The following IGSF9B variants were observed in gnomAD, a reference collection of about 807,000 sequenced individuals.
IGSF9B encodes protein turtle homolog B.
In IGSF9B, 48 loss-of-function variants were observed where a neutral mutation model predicts 143.7. That is an observed-to-expected ratio of 0.33 (90% confidence interval 0.26 to 0.42). The LOEUF (loss-of-function observed/expected upper bound fraction) is 0.42. IGSF9B is among the 20% of genes least tolerant of loss of function. IGSF9B has a pLI of 1.00. For synonymous variants in IGSF9B, 903 were observed against 833.1 expected (o/e 1.08, Z -1.44); for missense variants, 1,706 against 1,980.0 (o/e 0.86, Z 2.63).
Position 133,931,594 on chromosome 11 carries a change from T to A in IGSF9B, c.1252-25A>T. On this transcript the variant is annotated intron_variant, in intron 9 of 19. Coordinates refer to ENST00000533871, the MANE Select transcript of IGSF9B (RefSeq NM_001277285.4). The surrounding 1 kb of genome is among the most constrained non-coding windows in gnomAD (Gnocchi z 7.7). ...CCTGGGGAGGAAAGCACAGGCACCC[T>A]CGTGAGGCCGGGGATCCAGGTGCCC... 1 of 1,610,946 alleles carries A rather than the reference T, an allele frequency of 6.2e-7. No homozygotes were observed. The highest frequency in any genetic ancestry group is 8.5e-7 in the Non-Finnish European group (1 of 1,178,086).
At chr11:133,934,165 G>A (rs149101700) in intron 7 of IGSF9B, among the ~76,000 whole-genome samples, 70 of 152,282 alleles carry the variant, frequency 4.6e-4, no homozygotes, top group African/African-American at 1.5e-3. Flanking sequence ...TGACGCTGGC[G>A]CTGGGGAGAG....
chr11:133,931,224 C>A lies in IGSF9B; in HGVS notation c.1369-90G>T, dbSNP rs1939722811. 2 of 1,331,692 alleles carry A rather than the reference C, an allele frequency of 1.5e-6. No homozygotes were observed. Among genetic ancestry groups the A allele is most frequent in the Non-Finnish European group, 1.0e-6 (1 of 957,808 alleles). The allele number at this position is 1,331,692 out of a possible 1,614,324, so 82.5% of individuals were successfully genotyped here. A position where few individuals can be genotyped will look rare whatever the true frequency, so the allele number is the denominator to read the frequency against. On this transcript the variant is annotated intron_variant, in intron 10 of 19. Transcript: ENST00000533871. The surrounding 1 kb of genome is among the most constrained non-coding windows in gnomAD (Gnocchi z 7.7). Reference sequence around the variant, plus strand: ...GCAGATGGGGAGGACGCGCCTGAGACCCCGGCCCGCCCACGCTGCCCTCCT... The same window carrying A: ...GCAGATGGGGAGGACGCGCCTGAGAACCCGGCCCGCCCACGCTGCCCTCCT...
At chr11:133,918,499 G>A (rs1210051041) in intron 18 of IGSF9B, among the ~76,000 whole-genome samples, 1 of 152,184 alleles carries the variant, frequency 6.6e-6, no homozygotes, top group African/African-American at 2.4e-5. Flanking sequence ...AAAGCACAGA[G>A]ACAGGGCGGC....
In IGSF9B at chr11:133,932,110, G is replaced by T; in HGVS notation, c.1071C>A (p.Val357=). Residue 357 remains valine, a synonymous_variant, in exon 8 of 20, where the codon GTC becomes GTA. Transcript: ENST00000533871. ...PVDAEPPATV[V]KWNKDGRPLQ... is the part of the protein sequence containing the mutation. ...GGGGACGGCCGTCCTTGTTCCACTT[G>T]ACCACGGTGGCCGGTGGTTCTGCGT... is the stretch of plus-strand genomic sequence containing the variant. 1 of 1,613,874 alleles carries T rather than the reference G, an allele frequency of 6.2e-7. No individual in the cohort carries two copies. The highest frequency in any genetic ancestry group is 1.1e-5 in the South Asian group (1 of 91,048).
chr11:133,923,156 G>A (rs924552764), intron 15 of IGSF9B, among the ~76,000 whole-genome samples: 22 of 152,208 alleles, frequency 1.4e-4, no homozygotes, highest in Admixed American at 6.5e-5. Flanking sequence ...ACCCGCTTAC[G>A]TGGATATTGC....
Position 133,956,703 on chromosome 11 carries a change from G to T in IGSF9B, c.52C>A (p.Leu18Ile). 1 of 1,545,448 alleles carries T rather than the reference G, an allele frequency of 6.5e-7. No individual in the cohort carries two copies. ...CACTTCAACTCACCTTCAGCCGCAA[G>T]CCCTCGGGTGCCGATCACACTTGCT... is the stretch of plus-strand genomic sequence containing the variant. ...FIASVIGTRG[L>I]AAEGAHGLRE... Residue 18 changes from leucine (L) to isoleucine (I), a missense_variant, in exon 1 of 20, where the codon CTT (leucine) becomes ATT (isoleucine). Leu to Ile is a conservative substitution (Grantham distance 5). Around this residue, in one of 7 missense-constraint regions of IGSF9B, gnomAD observed 171 missense variants for 213.9 expected, o/e 0.80. Coordinates refer to ENST00000533871, the MANE Select transcript of IGSF9B (RefSeq NM_001277285.4).
Position 133,903,903 on chromosome 11 carries a change from G to A in IGSF9B, c.*5166C>T, listed in dbSNP as rs138370005. On this transcript the variant is annotated 3_prime_UTR_variant, in exon 20 of 20. Coordinates refer to ENST00000533871, the MANE Select transcript of IGSF9B (RefSeq NM_001277285.4). ...AGTCCAATCTGGGCTTTGATCCTTG[G>A]TTTACTGACTTCTTCTAAAGAAGAG... Among the ~76,000 whole-genome samples, 66 of 152,272 alleles carry A rather than the reference G, an allele frequency of 4.3e-4. No homozygotes were observed. The highest frequency in any genetic ancestry group is 1.5e-3 in the African/African-American group (63 of 41,556).
In IGSF9B at chr11:133,945,285, C is replaced by T. The variant is rs1412940513; in HGVS notation, c.262+776G>A. ...TAAAAACTAGACTCTCAAAGCCAACCCTGGCCAAAAAGAGAGCATGAGACA... is the reference window on the plus strand; with the variant it reads ...TAAAAACTAGACTCTCAAAGCCAACTCTGGCCAAAAAGAGAGCATGAGACA... On this transcript the variant is annotated intron_variant, in intron 2 of 19. Transcript: ENST00000533871. The surrounding 1 kb of genome is among the most constrained non-coding windows in gnomAD (Gnocchi z 4.6). Among the ~76,000 whole-genome samples, 1 of 152,164 alleles carries T rather than the reference C, an allele frequency of 6.6e-6. No homozygotes were observed. Among genetic ancestry groups the T allele is most frequent in the East Asian group, 1.9e-4 (1 of 5,192 alleles).
rs1204514850 is a variant in IGSF9B at position 133,908,081 on chromosome 11, GGCTCC to G, written c.*983_*987del. 8.5e-5 allele frequency among the ~76,000 whole-genome samples: 13 copies of G among 152,256 alleles called. No individual in the cohort carries two copies. Among genetic ancestry groups the G allele is most frequent in the Non-Finnish European group, 4.4e-5 (3 of 68,042 alleles). ...CCGGCAGCTTGGCGCTAGCACAGGT[GGCTCC>G]GCAGTGGGGAGACTTTGGCCACAGA... On this transcript the variant is annotated 3_prime_UTR_variant, in exon 20 of 20. Transcript: ENST00000533871.
At chr11:133,956,627 GGCCGGGCGCGAGGGGCCGAGGGC>G in intron 1 of IGSF9B, 41 bp downstream of exon 1, 3 of 1,122,154 alleles carry the variant, frequency 2.7e-6, no homozygotes, top group Non-Finnish European at 2.6e-6. Context: ...GAAACCGAGG[GGCCGGGCGCGAGGGGCCGAGGGC>G]GCCGGGAGGG....
Position 133,913,507 on chromosome 11 carries a change from T to TTC in IGSF9B, c.3984-1502_3984-1501dup, listed in dbSNP as rs1485593693. ...TCCATCTTCCTGGGGGATGTCATCA[T>TTC]TCTCTAGTCCTTTAGTCCATAAAGT... On this transcript the variant is annotated intron_variant, in intron 18 of 19. Transcript: ENST00000533871. The surrounding 1 kb of genome is among the most constrained non-coding windows in gnomAD (Gnocchi z 4.6). Among the ~76,000 whole-genome samples the TTC allele has an allele frequency of 1.3e-5, 2 of 152,180 alleles. No individual in the cohort carries two copies. Among genetic ancestry groups the TTC allele is most frequent in the Non-Finnish European group, 2.9e-5 (2 of 68,028 alleles).
rs544429947 is a variant in IGSF9B at position 133,922,317 on chromosome 11, G to A, written c.2282-95C>T. The stretch of plus-strand genomic sequence containing the variant: ...AGGCTGACAGAGCCGGAGCACCACC[G>A]CACAGGGAAGGAGCTGCTCACAGTG... On this transcript the variant is annotated intron_variant, in intron 16 of 19. Transcript: ENST00000533871. 66 of 1,145,162 alleles carry A rather than the reference G, an allele frequency of 5.8e-5. 1 individual carries two copies. The East Asian group carries it at 7.8e-4, about 14-fold the overall frequency. 70.9% of individuals were successfully genotyped at this position (1,145,162 alleles called of 1,614,324 possible). A position where few individuals can be genotyped will look rare whatever the true frequency, so the allele number is the denominator to read the frequency against.
chr11:133,935,595 G>A (rs1226096678), intron 7 of IGSF9B, 22 bp downstream of exon 7: 6 of 1,598,720 alleles, frequency 3.8e-6, no homozygotes, highest in Admixed American at 1.7e-5. Context: ...CACCACCCAG[G>A]CTCCCCTGCA....
chr11:133,941,392 A>T (rs762842616), intron 3 of IGSF9B, among the ~76,000 whole-genome samples: 1 of 152,242 alleles, frequency 6.6e-6, no homozygotes. Context: ...CCGAAGGAAA[A>T]TGAGACAATT....
In IGSF9B at chr11:133,935,808, T is replaced by A. The variant is rs765917750; in HGVS notation, c.822-46A>T. On this transcript the variant is annotated intron_variant, in intron 6 of 19. Transcript: ENST00000533871. The stretch of plus-strand genomic sequence containing the variant: ...AGGGGGTTGGGCGAGCAGAAGGGGA[T>A]CTTGCCGCAGACACACAGTCACCGT... 5.0e-6 allele frequency: 8 copies of A among 1,592,104 alleles called. No individual in the cohort carries two copies. The African/African-American group carries it at 8.0e-5, about 16-fold the overall frequency.
Position 133,906,970 on chromosome 11 carries a change from G to A in IGSF9B, c.*2099C>T, listed in dbSNP as rs1453046207. Among the ~76,000 whole-genome samples, 1 of 152,174 alleles carries A rather than the reference G, an allele frequency of 6.6e-6. No homozygotes were observed. The highest frequency in any genetic ancestry group is 2.4e-5 in the African/African-American group (1 of 41,430). ...GCACATCACGACGCGGGGGCAGAGG[G>A]TGTGCTACCTGGAAAAAAGAACACA... On this transcript the variant is annotated 3_prime_UTR_variant, in exon 20 of 20. Transcript: ENST00000533871.
rs532022252 is a variant in IGSF9B at position 133,952,582 on chromosome 11, TAC to T, written c.64+4107_64+4108del. Among the ~76,000 whole-genome samples the T allele has an allele frequency of 3.4e-3, 512 of 152,158 alleles. 5 individuals carry two copies. Among genetic ancestry groups the T allele is most frequent in the African/African-American group, 0.012 (486 of 41,522 alleles). On this transcript the variant is annotated intron_variant, in intron 1 of 19. Transcript: ENST00000533871. ...TCAAGCACTTGTGGGCAGGCACACA[TAC>T]AGATTTCACATGTATGTGCACACAG...
rs1591716002 is a variant in IGSF9B, at chr11:133,928,246, C to T, written c.1632-1155G>A. ...TGGACACCTAGGCGCTGAGCAGCAC[C>T]GGTCTCCCAGCAGCCACCGGGCAGG... is the stretch of plus-strand genomic sequence containing the variant. On this transcript the variant is annotated intron_variant, in intron 12 of 19. Coordinates refer to ENST00000533871, the MANE Select transcript of IGSF9B (RefSeq NM_001277285.4). This position sits in a 1 kb window ranked among gnomAD's most constrained non-coding sequence, Gnocchi z 4.7. Among the ~76,000 whole-genome samples the T allele has an allele frequency of 6.6e-6, 1 of 152,156 alleles. No individual in the cohort carries two copies. Among genetic ancestry groups the T allele is most frequent in the South Asian group, 2.1e-4 (1 of 4,826 alleles).
At chr11:133,949,818 G>T (rs190056352) in intron 1 of IGSF9B, among the ~76,000 whole-genome samples, 1 of 152,160 alleles carries the variant, frequency 6.6e-6, no homozygotes. Context: ...GCTCAGAGGG[G>T]CCAGGCTCCC....
Sources: allele counts gnomAD v4.1 joint callset (sites outside exome capture counted in the v4.1 genomes callset), GRCh38; gene constraint gnomAD v4.1.1; regional missense constraint gnomAD v4.1.1; non-coding constraint Gnocchi (gnomAD v3.1); transcripts MANE v1.5; gene names NCBI Gene and HGNC (gene_info 2026-07-23, HGNC 2026-07-21).